DOCK3: variants seen among roughly 807,000 people sequenced by gnomAD.
DOCK3 encodes the protein dedicator of cytokinesis 3.
Under a neutral mutation model 265.6 loss-of-function variants are expected in DOCK3, and 60 were observed. That is an observed-to-expected ratio of 0.23 (90% CI 0.18 to 0.28). DOCK3 has a LOEUF of 0.28. Ranked by LOEUF, DOCK3 falls within the 10% of genes least tolerant of loss-of-function variation. The pLI is 1.00. For missense variants in DOCK3, 1,981 were observed against 2,594.3 expected, an observed-to-expected ratio of 0.76 and a Z score of 5.14; for synonymous variants, 881 against 938.0, an observed-to-expected ratio of 0.94 and a Z score of 1.11.
intron 49 of DOCK3, among the ~76,000 whole-genome samples, chr3:51,373,801 G>A (rs1335406028): frequency 6.6e-6 from 1 of 152,208 alleles, no homozygotes; most frequent in African/African-American, 2.4e-5. Context: ...AAGTGTCACA[G>A]AGCAAAACCC....
chr3:50,964,276 C>T (rs961296716), intron 5 of DOCK3, among the ~76,000 whole-genome samples: 1 of 152,140 alleles, frequency 6.6e-6, no homozygotes, highest in Admixed American at 6.5e-5. Context: ...TAGAAACACT[C>T]AGCACTTCAA....
chr3:51,270,628 G>T (rs1478360559), intron 23 of DOCK3, among the ~76,000 whole-genome samples, 187 bp from the exon 24 acceptor site: 20 of 152,122 alleles, frequency 1.3e-4, no homozygotes, highest in Non-Finnish European at 5.9e-5. Flanking sequence ...ATCTTGTTTT[G>T]GTTTCCTTTT....
chr3:51,254,184 A>C (rs1220309372), intron 22 of DOCK3, among the ~76,000 whole-genome samples: 1 of 152,152 alleles, frequency 6.6e-6, no homozygotes, highest in African/African-American at 2.4e-5. Flanking sequence ...GTTTTGAGTG[A>C]CTTTCTTAGT....
chr3:51,015,232 G>T (rs1475378333), intron 5 of DOCK3, among the ~76,000 whole-genome samples: 1 of 151,976 alleles, frequency 6.6e-6, no homozygotes, highest in African/African-American at 2.4e-5. Flanking sequence ...AAGGCTTTCA[G>T]ATTTTTCCTC....
At chr3:51,318,264 AGCTACTTAGGAG>A (rs1196401418) in intron 32 of DOCK3, among the ~76,000 whole-genome samples, 1 of 152,178 alleles carries the variant, frequency 6.6e-6, no homozygotes, top group Non-Finnish European at 1.5e-5. Context: ...CTGTAATCCC[AGCTACTTAGGAG>A]GCTGAGGCAG....
At chr3:51,128,259 C>G (rs986781396) in intron 9 of DOCK3, among the ~76,000 whole-genome samples, 6 of 152,112 alleles carry the variant, frequency 3.9e-5, no homozygotes, top group Middle Eastern at 3.2e-3. Flanking sequence ...GTTCCTGGAC[C>G]TGTGAATCCT....
chr3:50,734,728 A>G (rs1483401838), intron 1 of DOCK3, among the ~76,000 whole-genome samples: 1 of 147,242 alleles, frequency 6.8e-6, no homozygotes, highest in African/African-American at 2.5e-5. Context: ...TCAGCCTCCC[A>G]AGTAGCTGGG....
At chr3:50,802,410 TC>T (rs765337476) in intron 2 of DOCK3, among the ~76,000 whole-genome samples, 1 of 152,194 alleles carries the variant, frequency 6.6e-6, no homozygotes, top group Non-Finnish European at 1.5e-5. Flanking sequence ...CTTTTTTACT[TC>T]CAGATATAAG....
chr3:51,043,814 C>T (rs995730040), intron 5 of DOCK3, among the ~76,000 whole-genome samples: 1 of 151,872 alleles, frequency 6.6e-6, no homozygotes, highest in Non-Finnish European at 1.5e-5. Context: ...GGCCAACAAT[C>T]GTATGTAAAA....
At chr3:51,141,778 G>C (rs189170667) in intron 9 of DOCK3, among the ~76,000 whole-genome samples, 138 of 152,270 alleles carry the variant, frequency 9.1e-4, no homozygotes, top group Non-Finnish European at 1.7e-3. Flanking sequence ...TAATGGCCAA[G>C]ACTAGTGGCA....
intron 4 of DOCK3, chr3:50,901,717 A>G (rs906799664): frequency 2.2e-6 from 1 of 453,576 alleles, no homozygotes; most frequent in Non-Finnish European, 4.4e-6. Flanking sequence ...ACCCTTGGCT[A>G]GGGGAGGGAA....
chr3:51,330,858 A>G (rs2084472666), intron 33 of DOCK3, among the ~76,000 whole-genome samples: 1 of 152,212 alleles, frequency 6.6e-6, no homozygotes, highest in South Asian at 2.1e-4. Context: ...ATCTTCCTAA[A>G]AAATGAAATC....
At chr3:50,778,088 T>C (rs2041710205) in intron 1 of DOCK3, among the ~76,000 whole-genome samples, 1 of 152,150 alleles carries the variant, frequency 6.6e-6, no homozygotes, top group Admixed American at 6.5e-5. Context: ...AGATGGGGCT[T>C]TTCTTTATTC....
At chr3:50,966,623 A>T (rs2077041779) in intron 5 of DOCK3, among the ~76,000 whole-genome samples, 1 of 151,366 alleles carries the variant, frequency 6.6e-6, no homozygotes. Context: ...ACCTGTTGCC[A>T]TATGTATATC....
intron 9 of DOCK3, among the ~76,000 whole-genome samples, chr3:51,096,450 T>C (rs549515485): frequency 6.6e-6 from 1 of 152,292 alleles, no homozygotes; most frequent in Admixed American, 6.5e-5. Flanking sequence ...GATACTTGTG[T>C]ATGCTTCACG....
intron 5 of DOCK3, among the ~76,000 whole-genome samples, chr3:51,001,288 A>G (rs1222772905): frequency 1.3e-5 from 2 of 152,202 alleles, no homozygotes; most frequent in Non-Finnish European, 2.9e-5. Flanking sequence ...ACTTTCCTGT[A>G]AGAAGAAACT....
chr3:51,265,320 A>G (rs926132314), intron 23 of DOCK3, among the ~76,000 whole-genome samples: 9 of 152,242 alleles, frequency 5.9e-5, no homozygotes, highest in East Asian at 1.9e-4. Context: ...CAAACAATAG[A>G]AAAAGAGGGA....
At chr3:51,243,627 T>A (rs2078706006) in intron 21 of DOCK3, among the ~76,000 whole-genome samples, 2 of 152,202 alleles carry the variant, frequency 1.3e-5, no homozygotes, top group Non-Finnish European at 2.9e-5. Context: ...TTATCAGTTA[T>A]ATGATTTATA....
chr3:50,836,228 T>A (rs889590900), intron 2 of DOCK3, among the ~76,000 whole-genome samples: 2 of 152,220 alleles, frequency 1.3e-5, no homozygotes, highest in Non-Finnish European at 2.9e-5. Flanking sequence ...GGACTCCATG[T>A]GGGGGCTCTT....
Sources: gnomAD v4.1 joint callset for allele counts (sites outside exome capture counted in the v4.1 genomes callset) on GRCh38, gnomAD v4.1.1 for gene constraint, MANE v1.5 for transcripts, NCBI Gene and HGNC (gene_info 2026-07-23, HGNC 2026-07-21) for gene names.